Variants in CAMTA1 observed in about 807,000 individuals in gnomAD.
The protein encoded by CAMTA1 is calmodulin-binding transcription activator 1.
In CAMTA1, 27 loss-of-function variants were observed where a neutral mutation model predicts 170.9. The observed-to-expected ratio is 0.16, with a 90% CI of 0.12 to 0.22. CAMTA1 has a LOEUF of 0.22. Ranked by LOEUF, CAMTA1 falls within the 10% of genes least tolerant of loss-of-function variation. The pLI, the probability that CAMTA1 is intolerant of heterozygous loss-of-function variation, is 1.00. For missense variants in CAMTA1, 1,619 were observed against 2,217.2 expected, an observed-to-expected ratio of 0.73 and a Z score of 5.42; for synonymous variants, 833 against 891.5, an observed-to-expected ratio of 0.93 and a Z score of 1.17.
At chr1:7,696,637 C>T (rs1002757593) in intron 11 of CAMTA1, among the ~76,000 whole-genome samples, 6 of 152,076 alleles carry the variant, frequency 3.9e-5, no homozygotes, top group Non-Finnish European at 5.9e-5. Context: ...GTAGGGTACA[C>T]GGCATCCTCT....
At chr1:7,758,863 A>G (rs2096952641) in intron 22 of CAMTA1, among the ~76,000 whole-genome samples, 1 of 140,936 alleles carries the variant, frequency 7.1e-6, no homozygotes, top group South Asian at 2.4e-4. Context: ...TGAATCCGGG[A>G]GGCGGAGCTT....
At chr1:7,746,307 CAT>C (rs1464107904) in intron 18 of CAMTA1, among the ~76,000 whole-genome samples, 3 of 152,064 alleles carry the variant, frequency 2.0e-5, no homozygotes, top group Non-Finnish European at 4.4e-5. Context: ...ATATTCATAA[CAT>C]AAAGTTTGCC....
chr1:6,934,996 G>A lies in CAMTA1; in HGVS notation c.234+109786G>A, dbSNP rs1210002131. On this transcript the variant is annotated intron_variant, in intron 3 of 22. Transcript: ENST00000303635. The surrounding 1 kb of genome is among the most constrained non-coding windows in gnomAD (Gnocchi z 4.5). Reference sequence around the variant, plus strand: ...TTACAAGGGGAAGAAAAGACTATTGGGGAACTTAAAAGAAATGCAGGAAAA... The same window carrying A: ...TTACAAGGGGAAGAAAAGACTATTGAGGAACTTAAAAGAAATGCAGGAAAA... 1.3e-5 allele frequency among the ~76,000 whole-genome samples: 2 copies of A among 152,124 alleles called. No homozygotes were observed. Among genetic ancestry groups the A allele is most frequent in the African/African-American group, 4.8e-5 (2 of 41,396 alleles).
chr1:6,901,344 T>C (rs893482685), intron 3 of CAMTA1, among the ~76,000 whole-genome samples: 9 of 152,224 alleles, frequency 5.9e-5, no homozygotes, highest in African/African-American at 2.2e-4. Context: ...TTATTAGATA[T>C]GGCACCAATT....
intron 5 of CAMTA1, among the ~76,000 whole-genome samples, chr1:7,296,197 T>C (rs1033909491): frequency 6.6e-6 from 1 of 152,238 alleles, no homozygotes; most frequent in African/African-American, 2.4e-5. Flanking sequence ...GCCAGGGACC[T>C]TGAGTCACCA....
At position 7,665,275 on chromosome 1, in the gene CAMTA1, T is replaced by C; in HGVS notation, c.2652+76T>C. 1.6e-6 allele frequency: 2 copies of C among 1,247,132 alleles called. No homozygotes were observed. Among genetic ancestry groups the C allele is most frequent in the Non-Finnish European group, 2.1e-6 (2 of 949,244 alleles). 77.3% of individuals were successfully genotyped at this position (1,247,132 alleles called of 1,614,324 possible). A position where few individuals can be genotyped will look rare whatever the true frequency, so the allele number is the denominator to read the frequency against. On this transcript the variant is annotated intron_variant, in intron 9 of 22. Coordinates refer to ENST00000303635, the MANE Select transcript of CAMTA1 (RefSeq NM_015215.4). The surrounding 1 kb of genome is among the most constrained non-coding windows in gnomAD (Gnocchi z 4.3). Reference sequence around the variant, plus strand: ...GCCAGCCCCTGCGCCACCCTGCAGCTAAGGGATGCCTGTGGCTGCCCTTCA... The same window carrying C: ...GCCAGCCCCTGCGCCACCCTGCAGCCAAGGGATGCCTGTGGCTGCCCTTCA...
rs1043492062 is a variant in CAMTA1 at position 7,661,221 on chromosome 1, A to C, written c.665-505A>C. Among the ~76,000 whole-genome samples, 3 of 144,582 alleles carry C rather than the reference A, an allele frequency of 2.1e-5. No homozygotes were observed. The Admixed American group carries it at 2.2e-4, about 10-fold the overall frequency. 94.9% of individuals were successfully genotyped at this position (144,582 alleles called of 152,430 possible). ...AAGTCTGGTGAGGGCAGGAAGCCAGAGTCTTACCCCCCAGGGTGGGGCCAC... is the reference window on the plus strand; with the variant it reads ...AAGTCTGGTGAGGGCAGGAAGCCAGCGTCTTACCCCCCAGGGTGGGGCCAC... On this transcript the variant is annotated intron_variant, in intron 7 of 22. Coordinates refer to ENST00000303635, the MANE Select transcript of CAMTA1 (RefSeq NM_015215.4).
chr1:7,046,077 A>C (rs528835340), intron 3 of CAMTA1, among the ~76,000 whole-genome samples: 2 of 152,240 alleles, frequency 1.3e-5, no homozygotes, highest in Admixed American at 6.5e-5. Context: ...CTTCATGAGA[A>C]TCTCCCTCTT....
At chr1:7,164,170 G>A (rs1647873990) in intron 4 of CAMTA1, among the ~76,000 whole-genome samples, 1 of 152,106 alleles carries the variant, frequency 6.6e-6, no homozygotes, top group African/African-American at 2.4e-5. Flanking sequence ...TAGTGTAGAA[G>A]TCAAGTCCAT....
intron 6 of CAMTA1, among the ~76,000 whole-genome samples, chr1:7,492,389 G>A (rs533506985): frequency 2.6e-5 from 4 of 152,270 alleles, no homozygotes; most frequent in African/African-American, 9.6e-5. Context: ...TTTGCAGTCT[G>A]GGATCCTCAG....
intron 7 of CAMTA1, among the ~76,000 whole-genome samples, chr1:7,647,902 G>A (rs1047994083): frequency 2.6e-5 from 4 of 152,086 alleles, no homozygotes; most frequent in Non-Finnish European, 5.9e-5. Flanking sequence ...TGGGCAACAT[G>A]GCGAGACCCT....
At chr1:7,604,994 G>A (rs773284293) in intron 6 of CAMTA1, among the ~76,000 whole-genome samples, 17 of 152,136 alleles carry the variant, frequency 1.1e-4, no homozygotes, top group Admixed American at 3.3e-4. Context: ...ACAGAACAGC[G>A]GATATTGGTG....
At chr1:6,832,075 C>T (rs757969174) in intron 3 of CAMTA1, among the ~76,000 whole-genome samples, 6 of 151,764 alleles carry the variant, frequency 4.0e-5, no homozygotes, top group Non-Finnish European at 8.8e-5. Flanking sequence ...CATCAAGCCA[C>T]CTTATTTTTT....
At chr1:7,348,828 G>C (rs377188254) in intron 5 of CAMTA1, among the ~76,000 whole-genome samples, 2 of 152,164 alleles carry the variant, frequency 1.3e-5, no homozygotes, top group African/African-American at 2.4e-5. Flanking sequence ...ACTGTATTAC[G>C]ACCCTCATTA....
At chr1:7,355,371 C>A (rs944337498) in intron 5 of CAMTA1, among the ~76,000 whole-genome samples, 2 of 152,120 alleles carry the variant, frequency 1.3e-5, no homozygotes, top group Non-Finnish European at 2.9e-5. Context: ...GGCAACAGAG[C>A]AAGACCCTGT....
chr1:6,902,079 A>AAAT (rs1553180496), intron 3 of CAMTA1, among the ~76,000 whole-genome samples: 17 of 75,198 alleles, frequency 2.3e-4, no homozygotes, highest in African/African-American at 6.1e-4. Flanking sequence ...ACACAAAAAA[A>AAAT]AAAATAAAAA....
intron 4 of CAMTA1, among the ~76,000 whole-genome samples, chr1:7,117,571 A>G (rs747899519): frequency 1.8e-4 from 27 of 152,064 alleles, no homozygotes; most frequent in Non-Finnish European, 1.5e-5. Context: ...TAAATAACCT[A>G]ACTGGCTCAA....
At chr1:6,967,906 A>G (rs1444285873) in intron 3 of CAMTA1, among the ~76,000 whole-genome samples, 6 of 152,180 alleles carry the variant, frequency 3.9e-5, no homozygotes. Flanking sequence ...CTTAGTCTTA[A>G]TTATGCTGCT....
chr1:6,995,290 C>CTTTTTT (rs1212463100), intron 3 of CAMTA1, among the ~76,000 whole-genome samples: 1 of 82,276 alleles, frequency 1.2e-5, no homozygotes, highest in African/African-American at 4.8e-5. Flanking sequence ...TCTTTTTTTT[C>CTTTTTT]TTTTCTTTTT....
Sources: gnomAD v4.1 joint callset for allele counts (sites outside exome capture counted in the v4.1 genomes callset) on GRCh38, gnomAD v4.1.1 for gene constraint, Gnocchi (gnomAD v3.1) non-coding constraint, MANE v1.5 for transcripts, NCBI Gene and HGNC (gene_info 2026-07-23, HGNC 2026-07-21) for gene names.